PKD2L1: variants seen among roughly 807,000 people sequenced by gnomAD.
The protein encoded by PKD2L1 is polycystin 2 like 1, transient receptor potential cation channel, also known as polycystin-2-like protein 1.
A neutral mutation model predicts 93.0 loss-of-function variants in PKD2L1; 77 were observed. The observed-to-expected ratio is 0.83, with a 90% CI of 0.69 to 1.00. The LOEUF (loss-of-function observed/expected upper bound fraction) is 1.00. Among genes scored for constraint, PKD2L1 ranks in the 50% least tolerant of loss-of-function variants. The probability of loss-of-function intolerance (pLI) is 0.00; values close to 1 mark genes in which losing one functional copy is unlikely to be tolerated. For synonymous variants in PKD2L1, 390 were observed against 388.0 expected (o/e 1.01, Z -0.06); for missense variants, 977 against 990.9 (o/e 0.99, Z 0.19).
At chr10:100,314,326 C>A (rs1198956679) in intron 2 of PKD2L1, among the ~76,000 whole-genome samples, 3 of 152,060 alleles carry the variant, frequency 2.0e-5, no homozygotes, top group Non-Finnish European at 4.4e-5. Context: ...ATGGAAAAGC[C>A]TGTGAGACAA....
chr10:100,315,109 G>T (rs1321810240), intron 2 of PKD2L1, among the ~76,000 whole-genome samples: 1 of 138,296 alleles, frequency 7.2e-6, no homozygotes, highest in African/African-American at 2.8e-5. Flanking sequence ...GGGAAGGGAA[G>T]GGAAGGGAAG....
At chr10:100,303,535 CT>C (rs1848733750) in intron 2 of PKD2L1, among the ~76,000 whole-genome samples, 1 of 152,164 alleles carries the variant, frequency 6.6e-6, no homozygotes, top group Non-Finnish European at 1.5e-5. Context: ...GAGCAATTCC[CT>C]TTAAGAATTT....
At chr10:100,300,733 G>T (rs187093998) in intron 2 of PKD2L1, among the ~76,000 whole-genome samples, 41 of 152,294 alleles carry the variant, frequency 2.7e-4, no homozygotes, top group African/African-American at 9.6e-4. Flanking sequence ...GGTGGTGTCT[G>T]CCAGTTTCTT....
Position 100,297,436 on chromosome 10 carries a change from A to G in PKD2L1, c.902T>C (p.Val301Ala). 6.2e-7 allele frequency: 1 copy of G among 1,614,146 alleles called. No individual in the cohort carries two copies. The highest frequency in any genetic ancestry group is 8.5e-7 in the Non-Finnish European group (1 of 1,180,016). ...GLWLDRGTRV[V>A]FIDFSVYNAN... is the part of the protein sequence containing the mutation. ...ATTGTAGACTGAGAAGTCGATGAAC[A>G]CCACTCGAGTGCCCCTGTCCAGCCA... The change falls in exon 5 of 16, where the codon GTG becomes GCG. Residue 301 changes from valine to alanine, a missense_variant. Val to Ala is a moderately conservative substitution (Grantham distance 64). Coordinates refer to ENST00000318222, the MANE Select transcript of PKD2L1 (RefSeq NM_016112.3).
At position 100,288,477 on chromosome 10, in the gene PKD2L1, C is replaced by G; in HGVS notation, c.2337G>C (p.Glu779Asp). Residue 779 changes from glutamate (E) to aspartate (D), a missense_variant and splice_region_variant, in exon 16 of 16, where the codon GAG (glutamate) becomes GAC (aspartate). By Grantham distance (45) the Glu-to-Asp change is conservative. Coordinates refer to ENST00000318222, the MANE Select transcript of PKD2L1 (RefSeq NM_016112.3). Reference sequence around the variant, plus strand: ...CTTCCTCTTCTCTTTTATAGGGAACCTCTGTGGGGGAAAACGAGAAACCCA... The same window carrying G: ...CTTCCTCTTCTCTTTTATAGGGAACGTCTGTGGGGGAAAACGAGAAACCCA... ...PWGVQGGQES[E>D]VPYKREEEAL... The G allele has an allele frequency of 6.2e-7, 1 of 1,600,802 alleles. No individual in the cohort carries two copies.
rs1359444625 is a variant in PKD2L1 at position 100,288,437 on chromosome 10, T to C, written c.2377A>G (p.Arg793Gly). ...KREEEALEER[R>G]LSRGEIPTLQ... Reference sequence around the variant, plus strand: ...GTTGGAATCTCACCACGGGAGAGTCTCCTCTCCTCTAAGGCTTCCTCTTCT... The same window carrying C: ...GTTGGAATCTCACCACGGGAGAGTCCCCTCTCCTCTAAGGCTTCCTCTTCT... Residue 793 changes from arginine to glycine, a missense_variant, in exon 16 of 16, where the codon AGA becomes GGA. Coordinates refer to ENST00000318222, the MANE Select transcript of PKD2L1 (RefSeq NM_016112.3). 6.2e-7 allele frequency: 1 copy of C among 1,612,728 alleles called. No homozygotes were observed.
At chr10:100,301,195 A>T (rs1848666454) in intron 2 of PKD2L1, among the ~76,000 whole-genome samples, 1 of 152,232 alleles carries the variant, frequency 6.6e-6, no homozygotes. Flanking sequence ...AAAGATCACA[A>T]GGCAGAAGGT....
intron 2 of PKD2L1, among the ~76,000 whole-genome samples, chr10:100,314,866 C>A (rs995629816): frequency 1.3e-5 from 2 of 151,370 alleles, no homozygotes; most frequent in Non-Finnish European, 2.9e-5. Context: ...GAAACCCCAT[C>A]TCTACTAAAA....
At chr10:100,311,050 A>AT (rs1373146603) in intron 2 of PKD2L1, among the ~76,000 whole-genome samples, 3 of 152,128 alleles carry the variant, frequency 2.0e-5, no homozygotes, top group African/African-American at 4.8e-5. Context: ...AATTTTTAAC[A>AT]TTGCTTTTAT....
chr10:100,329,798 C>T, intron 1 of PKD2L1, 71 bp downstream of exon 1: 1 of 1,071,204 alleles, frequency 9.3e-7, no homozygotes, highest in Non-Finnish European at 1.4e-6. Flanking sequence ...CACCCCCACC[C>T]CCTGCCCAAA....
intron 9 of PKD2L1, 120 bp downstream of exon 9, chr10:100,294,415 C>CT: frequency 2.9e-6 from 3 of 1,051,120 alleles, no homozygotes; most frequent in Non-Finnish European, 4.3e-6. Flanking sequence ...GACATCGGCC[C>CT]CCCCACTCAC....
At chr10:100,304,625 G>A (rs1321641971) in intron 2 of PKD2L1, among the ~76,000 whole-genome samples, 1 of 152,028 alleles carries the variant, frequency 6.6e-6, no homozygotes, top group African/African-American at 2.4e-5. Flanking sequence ...CTCCTGAGTA[G>A]CTGGGACCAC....
chr10:100,297,527 A>T lies in PKD2L1; in HGVS notation c.811T>A (p.Tyr271Asn). 1 of 1,614,134 alleles carries T rather than the reference A, an allele frequency of 6.2e-7. No homozygotes were observed. The highest frequency in any genetic ancestry group is 8.5e-7 in the Non-Finnish European group (1 of 1,180,004). The change falls in exon 5 of 16, where the codon TAC (tyrosine) becomes AAC (asparagine). Residue 271 changes from tyrosine (Y) to asparagine (N), a missense_variant. By Grantham distance (143) the Tyr-to-Asn change is moderately radical. Transcript: ENST00000318222. ...RLTSYSGGGYYLDLPGSRQGS... is the reference protein window; with the variant it reads ...RLTSYSGGGYNLDLPGSRQGS... Reference sequence around the variant, plus strand: ...TGTCGGGATCCTGGAAGGTCCAGGTAGTAGCCACCTCCGCTGTAGCTTGTG... The same window carrying T: ...TGTCGGGATCCTGGAAGGTCCAGGTTGTAGCCACCTCCGCTGTAGCTTGTG...
intron 2 of PKD2L1, among the ~76,000 whole-genome samples, chr10:100,315,472 T>C (rs963843425): frequency 2.0e-5 from 3 of 152,198 alleles, no homozygotes; most frequent in Admixed American, 2.0e-4. Context: ...TTCCCCTCCC[T>C]GTGTCCATGT....
rs1223936504 is a variant in PKD2L1, at chr10:100,326,946, G to C, written c.349+2265C>G. Among the ~76,000 whole-genome samples, 6 of 152,178 alleles carry C rather than the reference G, an allele frequency of 3.9e-5. No homozygotes were observed. In the East Asian group the frequency reaches 1.2e-3, roughly 29 times the overall value. On this transcript the variant is annotated intron_variant, in intron 2 of 15. Coordinates refer to ENST00000318222, the MANE Select transcript of PKD2L1 (RefSeq NM_016112.3). ...GATAAAATAGAAGTTATTTAACCTAGAGAACAGATGACCAAGGGCAAGCTA... is the reference window on the plus strand; with the variant it reads ...GATAAAATAGAAGTTATTTAACCTACAGAACAGATGACCAAGGGCAAGCTA...
intron 14 of PKD2L1, 64 bp from the exon 15 acceptor site, chr10:100,289,120 C>G: frequency 8.3e-7 from 1 of 1,198,788 alleles, no homozygotes; most frequent in Non-Finnish European, 1.2e-6. Context: ...TTTCTTTTCT[C>G]TCTATCTGAT....
intron 2 of PKD2L1, among the ~76,000 whole-genome samples, chr10:100,312,726 T>C (rs999638903): frequency 4.6e-5 from 7 of 152,104 alleles, no homozygotes; most frequent in Non-Finnish European, 1.0e-4. Flanking sequence ...ATGGATTCAG[T>C]ATGGCTTTAG....
intron 2 of PKD2L1, among the ~76,000 whole-genome samples, chr10:100,310,766 G>A (rs1848915846): frequency 1.3e-5 from 2 of 152,152 alleles, no homozygotes; most frequent in Non-Finnish European, 2.9e-5. Context: ...CTGGAGTGCA[G>A]TGGCGCAATC....
intron 15 of PKD2L1, 145 bp from the exon 16 acceptor site, chr10:100,288,623 A>G: frequency 6.4e-6 from 4 of 623,862 alleles, no homozygotes; most frequent in Non-Finnish European, 1.1e-5. Flanking sequence ...GACCATGGCT[A>G]TCCAGGTGCT....
Sources: gnomAD v4.1 joint callset for allele counts (sites outside exome capture counted in the v4.1 genomes callset) on GRCh38, gnomAD v4.1.1 for gene constraint, MANE v1.5 for transcripts, NCBI Gene and HGNC (gene_info 2026-07-23, HGNC 2026-07-21) for gene names.